CCDC192: variants seen among roughly 807,000 people sequenced by gnomAD.
The protein encoded by CCDC192 is coiled-coil domain-containing protein 192.
chr5:127,928,537 A>G (rs1221985835), intron 6 of CCDC192, among the ~76,000 whole-genome samples: 4 of 152,146 alleles, frequency 2.6e-5, no homozygotes, highest in Non-Finnish European at 4.4e-5. Flanking sequence ...ATTCTTAATC[A>G]CATCTGCAAA....
intron 6 of CCDC192, among the ~76,000 whole-genome samples, chr5:127,901,989 G>A (rs1753050055): frequency 6.6e-6 from 1 of 152,142 alleles, no homozygotes; most frequent in South Asian, 2.1e-4. Context: ...AATAACCACA[G>A]GCCAGACATG....
At chr5:127,870,985 C>A (rs1208155623) in intron 5 of CCDC192, among the ~76,000 whole-genome samples, 1 of 152,164 alleles carries the variant, frequency 6.6e-6, no homozygotes, top group East Asian at 1.9e-4. Context: ...AAGACAAAAC[C>A]CCTTTGTTAT....
chr5:127,906,506 C>T (rs146458546), intron 6 of CCDC192, among the ~76,000 whole-genome samples: 1 of 151,604 alleles, frequency 6.6e-6, no homozygotes, highest in African/African-American at 2.4e-5. Flanking sequence ...CTATTTGAGG[C>T]TAGGTGCAGT....
intron 3 of CCDC192, among the ~76,000 whole-genome samples, chr5:127,788,261 A>G (rs1258469970): frequency 1.3e-5 from 2 of 152,152 alleles, no homozygotes; most frequent in Non-Finnish European, 2.9e-5. Flanking sequence ...TTTTATCAAT[A>G]TGCAATGTAT....
In CCDC192 at chr5:127,872,260, T is replaced by C. The variant is rs148106224; in HGVS notation, c.412-3278T>C. Among the ~76,000 whole-genome samples, 6 of 152,326 alleles carry C rather than the reference T, an allele frequency of 3.9e-5. 1 individual carries two copies. The highest frequency in any genetic ancestry group is 3.9e-4 in the Admixed American group (6 of 15,300). On this transcript the variant is annotated intron_variant, in intron 5 of 6. Coordinates refer to ENST00000514853, the MANE Select transcript of CCDC192 (RefSeq NM_001317938.2). ...CAGCCAATCTAAGTCTTTTATCCAATTTTTAATTTAAATTTCATTTTCTCC... is the reference window on the plus strand; with the variant it reads ...CAGCCAATCTAAGTCTTTTATCCAACTTTTAATTTAAATTTCATTTTCTCC...
chr5:127,870,345 A>T (rs1751797955), intron 5 of CCDC192, among the ~76,000 whole-genome samples: 1 of 152,222 alleles, frequency 6.6e-6, no homozygotes, highest in Non-Finnish European at 1.5e-5. Flanking sequence ...TCAATGCTAA[A>T]TTTTTGTAAC....
intron 6 of CCDC192, among the ~76,000 whole-genome samples, chr5:127,916,845 G>C (rs1359476388): frequency 1.3e-5 from 2 of 152,164 alleles, no homozygotes; most frequent in African/African-American, 4.8e-5. Context: ...TTTTGGAATG[G>C]TAAATGCACA....
At chr5:127,846,092 C>A (rs1338743074) in intron 5 of CCDC192, among the ~76,000 whole-genome samples, 1 of 152,014 alleles carries the variant, frequency 6.6e-6, no homozygotes, top group Non-Finnish European at 1.5e-5. Flanking sequence ...AGTTCGAGAC[C>A]AGCCTGGCCA....
intron 6 of CCDC192, among the ~76,000 whole-genome samples, chr5:127,921,365 C>A (rs1753716944): frequency 6.6e-6 from 1 of 152,220 alleles, no homozygotes; most frequent in Non-Finnish European, 1.5e-5. Context: ...AACCCATCCA[C>A]CTACTAAAGA....
chr5:127,841,652 T>A (rs757618655), intron 5 of CCDC192, among the ~76,000 whole-genome samples: 1 of 152,150 alleles, frequency 6.6e-6, no homozygotes, highest in Non-Finnish European at 1.5e-5. Flanking sequence ...GGCCCTGTGG[T>A]CCATGCTGAG....
intron 6 of CCDC192, among the ~76,000 whole-genome samples, chr5:127,896,594 T>A (rs1752895007): frequency 6.6e-6 from 1 of 152,064 alleles, no homozygotes; most frequent in South Asian, 2.1e-4. Context: ...CCACCACACC[T>A]GGCTAATTTG....
At chr5:127,895,416 AGCCAATTAT>A (rs1752852098) in intron 6 of CCDC192, among the ~76,000 whole-genome samples, 1 of 152,260 alleles carries the variant, frequency 6.6e-6, no homozygotes, top group Non-Finnish European at 1.5e-5. Context: ...CAGATCTCCT[AGCCAATTAT>A]GCCTTTTCCC....
In CCDC192 at chr5:127,853,089, G is replaced by GA. The variant is rs1179008094; in HGVS notation, c.412-22439dup. Among the ~76,000 whole-genome samples the GA allele has an allele frequency of 3.2e-4, 48 of 149,796 alleles. 1 individual carries two copies. The East Asian group carries it at 4.9e-3, about 15-fold the overall frequency. Reference sequence around the variant, plus strand: ...TGGGCAACAGAGCAAGACTGTCTCAGAAAAAAAAAATTCTGCTATCCCCAT... The same window carrying GA: ...TGGGCAACAGAGCAAGACTGTCTCAGAAAAAAAAAAATTCTGCTATCCCCAT... On this transcript the variant is annotated intron_variant, in intron 5 of 6. Coordinates refer to ENST00000514853, the MANE Select transcript of CCDC192 (RefSeq NM_001317938.2).
chr5:127,904,207 G>C (rs906060982), intron 6 of CCDC192, among the ~76,000 whole-genome samples: 5 of 152,158 alleles, frequency 3.3e-5, no homozygotes, highest in African/African-American at 1.2e-4. Context: ...AATGGGAAAG[G>C]CAAGAAACAG....
chr5:127,798,305 C>CT (rs1442117988), intron 5 of CCDC192, 143 bp downstream of exon 5: 8 of 388,926 alleles, frequency 2.1e-5, no homozygotes, highest in African/African-American at 1.7e-4. Context: ...TTTACTGCGT[C>CT]TACACAGTTT....
intron 5 of CCDC192, among the ~76,000 whole-genome samples, chr5:127,816,218 G>A (rs1472561394): frequency 6.6e-6 from 1 of 152,110 alleles, no homozygotes; most frequent in Non-Finnish European, 1.5e-5. Flanking sequence ...TTTATAATTA[G>A]CATTAAACAT....
intron 5 of CCDC192, among the ~76,000 whole-genome samples, chr5:127,865,523 G>T (rs966161535): frequency 6.6e-6 from 1 of 151,688 alleles, no homozygotes; most frequent in African/African-American, 2.4e-5. Context: ...GAAGGGAGAG[G>T]TTAAGCTAAT....
intron 6 of CCDC192, among the ~76,000 whole-genome samples, chr5:127,920,791 T>G (rs1580828417): frequency 6.6e-6 from 1 of 152,100 alleles, no homozygotes; most frequent in Admixed American, 6.5e-5. Context: ...CTGGGAGTGG[T>G]GGCTTATGCC....
chr5:127,721,813 G>T (rs1450245580), intron 2 of CCDC192, among the ~76,000 whole-genome samples: 15 of 152,176 alleles, frequency 9.9e-5, no homozygotes, highest in African/African-American at 3.4e-4. Context: ...GGAGAAGGAG[G>T]CATGTCTTGC....
Sources: allele counts gnomAD v4.1 joint callset (sites outside exome capture counted in the v4.1 genomes callset), GRCh38; gene constraint gnomAD v4.1.1; transcripts MANE v1.5; gene names NCBI Gene and HGNC (gene_info 2026-07-23, HGNC 2026-07-21).